The following KCMF1 variants were observed in gnomAD, a reference collection of about 807,000 sequenced individuals.
KCMF1 encodes the protein E3 ubiquitin-protein ligase KCMF1.
In KCMF1, 3 loss-of-function variants were observed where a neutral mutation model predicts 41.1. The ratio of observed to expected loss-of-function variants is 0.07; its 90% CI spans 0.03 to 0.19. The LOEUF (loss-of-function observed/expected upper bound fraction) is 0.19. Among genes scored for constraint, KCMF1 ranks in the 10% least tolerant of loss-of-function variants. KCMF1 has a pLI of 1.00. For synonymous variants in KCMF1, 142 were observed against 164.5 expected (o/e 0.86, Z 1.04); for missense variants, 286 against 488.9 (o/e 0.58, Z 3.91).
At position 85,007,617 on chromosome 2, in the gene KCMF1, G is replaced by A. The variant is rs537138370; in HGVS notation, c.17-20272G>A. ...TCCTTAAGGCGAGATCAGGAACTTCGACATCACTTGGGCAGGACCAGCCAA... is the reference window on the plus strand; with the variant it reads ...TCCTTAAGGCGAGATCAGGAACTTCAACATCACTTGGGCAGGACCAGCCAA... On this transcript the variant is annotated intron_variant, in intron 1 of 6. Transcript: ENST00000409785. Among the ~76,000 whole-genome samples, 431 of 152,262 alleles carry A rather than the reference G, an allele frequency of 2.8e-3. 2 individuals are homozygous for A. The highest frequency in any genetic ancestry group is 9.4e-3 in the African/African-American group (390 of 41,560).
At chr2:85,034,410 A>C (rs1455326226) in intron 2 of KCMF1, among the ~76,000 whole-genome samples, 1 of 152,152 alleles carries the variant, frequency 6.6e-6, no homozygotes, top group Admixed American at 6.6e-5. Context: ...TTGCCCCAGT[A>C]TATACAGATA....
At position 84,973,854 on chromosome 2, in the gene KCMF1, A is replaced by C. The variant is rs1211991350; in HGVS notation, c.16+2387A>C. Among the ~76,000 whole-genome samples, 4 of 104,392 alleles carry C rather than the reference A, an allele frequency of 3.8e-5. No individual in the cohort carries two copies. The East Asian group carries it at 8.5e-4, about 22-fold the overall frequency. 68.5% of individuals were successfully genotyped at this position (104,392 alleles called of 152,430 possible). A position where few individuals can be genotyped will look rare whatever the true frequency, so the allele number is the denominator to read the frequency against. On this transcript the variant is annotated intron_variant, in intron 1 of 6. Transcript: ENST00000409785. ...TTTTTTTTTTTTTTTTTTTAGCTGG[A>C]GTCTCACTCTGTCACCAGGTTGGAG...
intron 3 of KCMF1, among the ~76,000 whole-genome samples, chr2:85,043,106 TG>T (rs1675581486): frequency 6.6e-6 from 1 of 152,258 alleles, no homozygotes; most frequent in African/African-American, 2.4e-5. Context: ...TCAACATGTC[TG>T]TTGAATGTTT....
At chr2:85,009,667 T>G (rs146256600) in intron 1 of KCMF1, among the ~76,000 whole-genome samples, 2,328 of 152,276 alleles carry the variant, frequency 0.015, 29 homozygotes, top group South Asian at 0.063. Context: ...TTCCCCCCTC[T>G]TCTTTCTTTT....
intron 3 of KCMF1, among the ~76,000 whole-genome samples, chr2:85,040,921 C>T (rs1375946520): frequency 6.6e-6 from 1 of 152,000 alleles, no homozygotes; most frequent in Non-Finnish European, 1.5e-5. Flanking sequence ...CCACCATGCC[C>T]AGGTCATTTT....
rs531542563 is a variant in KCMF1 at position 85,048,554 on chromosome 2, G to T, written c.602-812G>T. Reference sequence around the variant, plus strand: ...TTGCTGGCCTGAAAGTGTCTGCAAGGCAGTCATCGATTCCCTATAAGCGAG... The same window carrying T: ...TTGCTGGCCTGAAAGTGTCTGCAAGTCAGTCATCGATTCCCTATAAGCGAG... On this transcript the variant is annotated intron_variant, in intron 5 of 6. Transcript: ENST00000409785. Among the ~76,000 whole-genome samples, 435 of 152,334 alleles carry T rather than the reference G, an allele frequency of 2.9e-3. 2 individuals are homozygous for T. Among genetic ancestry groups the T allele is most frequent in the African/African-American group, 9.6e-3 (397 of 41,564 alleles).
intron 3 of KCMF1, among the ~76,000 whole-genome samples, chr2:85,037,004 C>T (rs1310746742): frequency 1.3e-5 from 2 of 150,896 alleles, no homozygotes; most frequent in African/African-American, 2.4e-5. Context: ...CCCCCCATCC[C>T]GCCCCTGAAA....
At chr2:85,014,717 G>A (rs895009233) in intron 1 of KCMF1, among the ~76,000 whole-genome samples, 16 of 142,360 alleles carry the variant, frequency 1.1e-4, no homozygotes, top group Admixed American at 4.2e-4. Context: ...GCGTGCGTGC[G>A]TGCGTGCGTG....
chr2:85,016,694 T>C (rs150190682), intron 1 of KCMF1, among the ~76,000 whole-genome samples: 131 of 150,754 alleles, frequency 8.7e-4, no homozygotes, highest in African/African-American at 3.1e-3. Flanking sequence ...CTATAGTTTA[T>C]CTTTTTTTTT....
intron 1 of KCMF1, among the ~76,000 whole-genome samples, chr2:85,003,864 A>G (rs185162469): frequency 5.4e-4 from 82 of 152,310 alleles, no homozygotes; most frequent in African/African-American, 1.9e-3. Context: ...TGAGGAAGCT[A>G]AAAAGGGTTA....
chr2:85,049,516 C>T lies in KCMF1; in HGVS notation c.752C>T (p.Ala251Val), dbSNP rs1675756109. The change falls in exon 6 of 7, where the codon GCA becomes GTA. Residue 251 changes from alanine (A) to valine (V), a missense_variant. Physicochemically the swap from Ala to Val is moderately conservative, Grantham distance 64 (BLOSUM62 0). Coordinates refer to ENST00000409785, the MANE Select transcript of KCMF1 (RefSeq NM_020122.5). ...GCAGCACGGCAACAACTGGAGACCGCACGCAACGCAACCCGGCGTACTAAC... is the reference window on the plus strand; with the variant it reads ...GCAGCACGGCAACAACTGGAGACCGTACGCAACGCAACCCGGCGTACTAAC... ...AQAARQQLETARNATRRTNTS... is the reference protein window; with the variant it reads ...AQAARQQLETVRNATRRTNTS... 6.2e-7 allele frequency: 1 copy of T among 1,614,038 alleles called. No individual in the cohort carries two copies. The highest frequency in any genetic ancestry group is 2.2e-5 in the East Asian group (1 of 44,874).
In KCMF1 at chr2:85,034,870, C is replaced by T. The variant is rs186960338; in HGVS notation, c.185-146C>T. On this transcript the variant is annotated intron_variant, in intron 2 of 6. Coordinates refer to ENST00000409785, the MANE Select transcript of KCMF1 (RefSeq NM_020122.5). ...CTCCTGACCTCAAGTGATCCACCCA[C>T]CTTGTCCTCCCAACGTGCTGGGATT... is the stretch of plus-strand genomic sequence containing the variant. 99 of 616,044 alleles carry T rather than the reference C, an allele frequency of 1.6e-4. 1 individual carries two copies. The African/African-American group carries it at 1.7e-3, about 11-fold the overall frequency. The allele number at this position is 616,044 out of a possible 1,614,324, so 38.2% of individuals were successfully genotyped here. A position where few individuals can be genotyped will look rare whatever the true frequency, so the allele number is the denominator to read the frequency against.
At chr2:84,986,109 C>T (rs1182347054) in intron 1 of KCMF1, among the ~76,000 whole-genome samples, 1 of 152,162 alleles carries the variant, frequency 6.6e-6, no homozygotes, top group Non-Finnish European at 1.5e-5. Flanking sequence ...TTGAAAAACA[C>T]TGGCCTTGGA....
At chr2:85,052,920 G>A (rs12616403) in intron 6 of KCMF1, among the ~76,000 whole-genome samples, 1 of 151,270 alleles carries the variant, frequency 6.6e-6, no homozygotes, top group Non-Finnish European at 1.5e-5. Context: ...TTTTCTCATT[G>A]AGTCTAATTA....
Position 85,023,356 on chromosome 2 carries a change from T to C in KCMF1, c.17-4533T>C, listed in dbSNP as rs2104021299. Among the ~76,000 whole-genome samples, 3 of 140,534 alleles carry C rather than the reference T, an allele frequency of 2.1e-5. 1 individual carries two copies. In the South Asian group the frequency reaches 6.8e-4, roughly 32 times the overall value. 92.2% of individuals were successfully genotyped at this position (140,534 alleles called of 152,430 possible). On this transcript the variant is annotated intron_variant, in intron 1 of 6. Coordinates refer to ENST00000409785, the MANE Select transcript of KCMF1 (RefSeq NM_020122.5). ...TTTTGAGACGGAGTCTCGCACTTTCTCGCCCAGGCTGGAGTGCAGTGGCGC... is the reference window on the plus strand; with the variant it reads ...TTTTGAGACGGAGTCTCGCACTTTCCCGCCCAGGCTGGAGTGCAGTGGCGC...
At chr2:85,008,277 A>AATATGATATATAATATATATCATATTAT (rs1674529363) in intron 1 of KCMF1, among the ~76,000 whole-genome samples, 4 of 91,386 alleles carry the variant, frequency 4.4e-5, no homozygotes, top group African/African-American at 1.9e-4. Flanking sequence ...TATAATATAT[A>AATATGATATATAATATATATCATATTAT]ATATGATATA....
chr2:84,996,321 A>T (rs982628042), intron 1 of KCMF1, among the ~76,000 whole-genome samples: 33 of 152,196 alleles, frequency 2.2e-4, no homozygotes, highest in African/African-American at 7.7e-4. Flanking sequence ...CGATAATAAG[A>T]CAGGAAATCA....
chr2:85,038,328 C>T (rs540059341), intron 3 of KCMF1, among the ~76,000 whole-genome samples: 1 of 152,184 alleles, frequency 6.6e-6, no homozygotes, highest in African/African-American at 2.4e-5. Context: ...TTGAAAGGAC[C>T]TTTATTTATA....
chr2:85,049,524 G>C lies in KCMF1; in HGVS notation c.760G>C (p.Ala254Pro). The change falls in exon 6 of 7, where the codon GCA becomes CCA. Residue 254 changes from alanine to proline, a missense_variant. Coordinates refer to ENST00000409785, the MANE Select transcript of KCMF1 (RefSeq NM_020122.5). ...GCAACAACTGGAGACCGCACGCAACGCAACCCGGCGTACTAACACAAGCAG... is the reference window on the plus strand; with the variant it reads ...GCAACAACTGGAGACCGCACGCAACCCAACCCGGCGTACTAACACAAGCAG... The part of the protein sequence containing the change: ...ARQQLETARN[A>P]TRRTNTSSVT... 6.2e-7 allele frequency: 1 copy of C among 1,613,942 alleles called. No homozygotes were observed. The highest frequency in any genetic ancestry group is 8.5e-7 in the Non-Finnish European group (1 of 1,179,890).
Sources: allele counts gnomAD v4.1 joint callset (sites outside exome capture counted in the v4.1 genomes callset), GRCh38; gene constraint gnomAD v4.1.1; transcripts MANE v1.5; gene names NCBI Gene and HGNC (gene_info 2026-07-23, HGNC 2026-07-21).